RFX7: variants seen among roughly 807,000 people sequenced by gnomAD.
The protein encoded by RFX7 is regulatory factor X7, also known as DNA-binding protein RFX7.
RFX7 carries 26 observed loss-of-function variants against 111.8 expected under a neutral mutation model. The ratio of observed to expected loss-of-function variants is 0.23; its 90% CI spans 0.17 to 0.32. The LOEUF is 0.32. RFX7 is among the 10% of genes least tolerant of loss of function. RFX7 has a pLI of 1.00. For synonymous variants in RFX7, 624 were observed against 624.4 expected (o/e 1.00, Z 0.01); for missense variants, 1,573 against 1,772.9 (o/e 0.89, Z 2.02).
Position 56,093,471 on chromosome 15 carries a change from T to G in RFX7, c.4257A>C (p.Thr1419=), listed in dbSNP as rs773025223. 4.2e-5 allele frequency: 68 copies of G among 1,613,808 alleles called. No homozygotes were observed. The highest frequency in any genetic ancestry group is 5.3e-5 in the Non-Finnish European group (62 of 1,179,852). ...GRQQGQDDEA[T]LEELKNDPLF... ...ATGGGTCATTCTTTAATTCTTCCAG[T>G]GTAGCTTCATCATCTTGTCCCTGCT... The change falls in exon 10 of 10, where the codon ACA becomes ACC. Residue 1419 remains threonine (T), a synonymous_variant. Coordinates refer to ENST00000559447, the MANE Select transcript of RFX7 (RefSeq NM_022841.7).
chr15:56,182,244 C>G (rs2042982441), intron 2 of RFX7, among the ~76,000 whole-genome samples: 1 of 152,062 alleles, frequency 6.6e-6, no homozygotes, highest in African/African-American at 2.4e-5. Context: ...AATTTTTTAT[C>G]TTCCATGAAT....
At chr15:56,234,786 T>A (rs1341064503) in intron 2 of RFX7, among the ~76,000 whole-genome samples, 3 of 152,228 alleles carry the variant, frequency 2.0e-5, no homozygotes, top group Admixed American at 6.5e-5. Context: ...CTGCAAGTGA[T>A]TACTTTGTTT....
intron 5 of RFX7, among the ~76,000 whole-genome samples, chr15:56,124,455 T>C (rs1405308577): frequency 1.3e-5 from 2 of 151,858 alleles, no homozygotes; most frequent in East Asian, 3.9e-4. Context: ...CTGTTCTCCA[T>C]AGCAGCTGTA....
chr15:56,099,154 T>C (rs998304701), intron 8 of RFX7, among the ~76,000 whole-genome samples: 4 of 152,278 alleles, frequency 2.6e-5, no homozygotes, highest in East Asian at 3.9e-4. Flanking sequence ...GGGCGTGGCA[T>C]TGAGATCATT....
chr15:56,139,598 A>G (rs544138631), intron 5 of RFX7, among the ~76,000 whole-genome samples: 9 of 152,304 alleles, frequency 5.9e-5, no homozygotes, highest in African/African-American at 2.2e-4. Context: ...GATCGTCTGA[A>G]GCCTTCTTCT....
At chr15:56,133,942 A>G (rs2042252549) in intron 5 of RFX7, among the ~76,000 whole-genome samples, 2 of 152,116 alleles carry the variant, frequency 1.3e-5, no homozygotes, top group South Asian at 4.1e-4. Flanking sequence ...TACAATAACC[A>G]TATTATTTGT....
intron 5 of RFX7, among the ~76,000 whole-genome samples, chr15:56,137,675 C>G (rs1290813912): frequency 6.6e-6 from 1 of 151,722 alleles, no homozygotes; most frequent in African/African-American, 2.4e-5. Context: ...TGTGTTTGCT[C>G]TTGCATTTCT....
At chr15:56,169,653 T>G (rs971226125) in intron 3 of RFX7, among the ~76,000 whole-genome samples, 6 of 151,374 alleles carry the variant, frequency 4.0e-5, no homozygotes, top group African/African-American at 1.5e-4. Context: ...TTCTGTTTCA[T>G]TCTATAGCCT....
At chr15:56,185,297 AT>A (rs566804947) in intron 2 of RFX7, among the ~76,000 whole-genome samples, 250 of 152,294 alleles carry the variant, frequency 1.6e-3, no homozygotes, top group African/African-American at 5.7e-3. Context: ...GGTTTTCATG[AT>A]GAAAACTTCC....
At chr15:56,219,945 T>C (rs2043406576) in intron 2 of RFX7, among the ~76,000 whole-genome samples, 2 of 152,232 alleles carry the variant, frequency 1.3e-5, no homozygotes, top group Admixed American at 6.5e-5. Context: ...ATCTCCAAAA[T>C]GCTTTCCACA....
intron 2 of RFX7, among the ~76,000 whole-genome samples, chr15:56,239,310 CCA>C (rs1232910406): frequency 6.6e-6 from 1 of 151,698 alleles, no homozygotes; most frequent in African/African-American, 2.4e-5. Flanking sequence ...CTCTTGTTGC[CCA>C]GACTGGAGTG....
At chr15:56,155,200 T>C (rs1042408632) in intron 3 of RFX7, among the ~76,000 whole-genome samples, 4 of 152,184 alleles carry the variant, frequency 2.6e-5, no homozygotes, top group Admixed American at 6.5e-5. Flanking sequence ...AGTTCAACCA[T>C]TGCGGAAGAC....
At chr15:56,240,724 C>A (rs1461416000) in intron 2 of RFX7, among the ~76,000 whole-genome samples, 4 of 151,960 alleles carry the variant, frequency 2.6e-5, no homozygotes, top group African/African-American at 9.7e-5. Context: ...AATAATGGCA[C>A]CAAAGGATGA....
intron 3 of RFX7, among the ~76,000 whole-genome samples, chr15:56,150,671 C>G (rs1455676546): frequency 6.6e-6 from 1 of 152,180 alleles, no homozygotes; most frequent in Non-Finnish European, 1.5e-5. Context: ...TCCAAAGGAT[C>G]ACAACCCCTC....
intron 2 of RFX7, among the ~76,000 whole-genome samples, chr15:56,217,469 TTGTCTTGAGAA>T (rs1567049750): frequency 1.3e-5 from 2 of 152,026 alleles, no homozygotes; most frequent in Non-Finnish European, 2.9e-5. Context: ...CCCAGGACAG[TTGTCTTGAGAA>T]TGTCACATAC....
intron 3 of RFX7, among the ~76,000 whole-genome samples, chr15:56,172,066 T>G (rs1479848604): frequency 1.3e-5 from 2 of 151,820 alleles, no homozygotes; most frequent in African/African-American, 4.8e-5. Flanking sequence ...AAAATGAGAA[T>G]GTACCAAACT....
At chr15:56,127,614 C>G (rs2042161193) in intron 5 of RFX7, among the ~76,000 whole-genome samples, 1 of 148,990 alleles carries the variant, frequency 6.7e-6, no homozygotes, top group Non-Finnish European at 1.5e-5. Flanking sequence ...GTGGCGCGAT[C>G]TCGACTCACT....
chr15:56,195,669 T>TTTATCAAATGCA (rs2043140812), intron 2 of RFX7, among the ~76,000 whole-genome samples: 1 of 152,154 alleles, frequency 6.6e-6, no homozygotes, highest in Non-Finnish European at 1.5e-5. Context: ...ACTTTATGGG[T>TTTATCAAATGCA]TTATCAAATG....
chr15:56,144,629 A>T (rs1170740154), intron 3 of RFX7, 146 bp from the exon 4 acceptor site: 2 of 299,744 alleles, frequency 6.7e-6, no homozygotes. Flanking sequence ...CACTAAAATA[A>T]TACAATGAGG....
Sources: allele counts gnomAD v4.1 joint callset (sites outside exome capture counted in the v4.1 genomes callset), GRCh38; gene constraint gnomAD v4.1.1; transcripts MANE v1.5; gene names NCBI Gene and HGNC (gene_info 2026-07-23, HGNC 2026-07-21).